ASTN2: variants seen among roughly 807,000 people sequenced by gnomAD.
ASTN2 encodes astrotactin 2.
In ASTN2, 54 loss-of-function variants were observed where a neutral mutation model predicts 139.8. The ratio of observed to expected loss-of-function variants is 0.39; its 90% CI spans 0.31 to 0.48. The LOEUF is 0.48. Ranked by LOEUF, ASTN2 falls within the 20% of genes least tolerant of loss-of-function variation. The probability of loss-of-function intolerance (pLI) is 0.95; values close to 1 mark genes in which losing one functional copy is unlikely to be tolerated. For missense variants in ASTN2, 1,565 were observed against 1,725.1 expected (o/e 0.91, Z 1.64); for synonymous variants, 756 against 719.5 (o/e 1.05, Z -0.81).
intron 3 of ASTN2, among the ~76,000 whole-genome samples, chr9:117,184,342 T>A (rs1831146479): frequency 6.6e-6 from 1 of 152,200 alleles, no homozygotes; most frequent in Non-Finnish European, 1.5e-5. Context: ...GGGGCGAGGC[T>A]GCTTCCTGGG....
At chr9:116,666,259 A>G (rs1271139769) in intron 16 of ASTN2, among the ~76,000 whole-genome samples, 1 of 152,208 alleles carries the variant, frequency 6.6e-6, no homozygotes, top group African/African-American at 2.4e-5. Context: ...TAAGATGTAC[A>G]TGGCACTGCC....
At chr9:117,143,384 C>T (rs143082642) in intron 3 of ASTN2, among the ~76,000 whole-genome samples, 7 of 152,236 alleles carry the variant, frequency 4.6e-5, no homozygotes, top group South Asian at 2.1e-4. Flanking sequence ...GTTTTGATTC[C>T]GTAAACCCAG....
intron 13 of ASTN2, among the ~76,000 whole-genome samples, chr9:116,742,225 T>C (rs1361444851): frequency 1.3e-5 from 2 of 152,252 alleles, no homozygotes; most frequent in Admixed American, 1.3e-4. Flanking sequence ...AAACCCAGCC[T>C]GTGCTGAGGG....
chr9:117,016,638 ATATAT>A (rs1837701016), intron 6 of ASTN2, among the ~76,000 whole-genome samples: 3 of 33,260 alleles, frequency 9.0e-5, no homozygotes, highest in Non-Finnish European at 1.9e-4. Flanking sequence ...ATATATATAT[ATATAT>A]ATATATATAT....
At chr9:117,121,014 A>G (rs753434806) in intron 4 of ASTN2, among the ~76,000 whole-genome samples, 9 of 152,250 alleles carry the variant, frequency 5.9e-5, no homozygotes, top group Non-Finnish European at 1.2e-4. Flanking sequence ...AGCCTGGGGT[A>G]CACAGTATGT....
intron 2 of ASTN2, among the ~76,000 whole-genome samples, chr9:117,273,426 T>C (rs1248986573): frequency 6.6e-6 from 1 of 152,196 alleles, no homozygotes; most frequent in Non-Finnish European, 1.5e-5. Flanking sequence ...CTCAGTTTTC[T>C]CACAGGTAAA....
chr9:116,820,828 G>T, intron 11 of ASTN2, 45 bp from the exon 12 acceptor site: 2 of 1,569,528 alleles, frequency 1.3e-6, no homozygotes, highest in Non-Finnish European at 1.7e-6. Flanking sequence ...TTGGGAGGTT[G>T]TAGGCCCCAT....
intron 17 of ASTN2, among the ~76,000 whole-genome samples, chr9:116,636,482 C>T (rs1369707128): frequency 6.6e-6 from 1 of 152,108 alleles, no homozygotes; most frequent in African/African-American, 2.4e-5. Flanking sequence ...CTAGACTAGC[C>T]TGGCCAACAT....
chr9:116,596,855 T>C (rs1854601075), intron 19 of ASTN2, among the ~76,000 whole-genome samples: 1 of 152,056 alleles, frequency 6.6e-6, no homozygotes, highest in Non-Finnish European at 1.5e-5. Context: ...AGTTAACAAT[T>C]CCAGTTAAGG....
chr9:116,726,067 T>C (rs1367502130), intron 15 of ASTN2, 117 bp from the exon 16 acceptor site: 2 of 917,514 alleles, frequency 2.2e-6, no homozygotes, highest in Admixed American at 2.8e-5. Flanking sequence ...CTCAGCACAG[T>C]GGCAGCTTGG....
chr9:116,844,933 T>C (rs35294588), intron 11 of ASTN2, among the ~76,000 whole-genome samples: 35,116 of 152,192 alleles, frequency 0.23, 4,695 homozygotes, highest in Admixed American at 0.3. Context: ...TTCCTTATAC[T>C]GCTTTGCTGA....
At chr9:116,779,777 C>T (rs918487111) in intron 13 of ASTN2, among the ~76,000 whole-genome samples, 3 of 152,166 alleles carry the variant, frequency 2.0e-5, no homozygotes, top group African/African-American at 4.8e-5. Flanking sequence ...CAGGTCAAGG[C>T]TCCTTCCATG....
intron 10 of ASTN2, among the ~76,000 whole-genome samples, chr9:116,876,449 T>G (rs1833300998): frequency 6.6e-6 from 1 of 152,230 alleles, no homozygotes; most frequent in Non-Finnish European, 1.5e-5. Context: ...TAAACTTGCT[T>G]GATAAAGCAG....
intron 13 of ASTN2, among the ~76,000 whole-genome samples, chr9:116,747,098 A>G (rs73519424): frequency 0.013 from 2,003 of 152,230 alleles, 42 homozygotes; most frequent in African/African-American, 0.045. Flanking sequence ...CAGAATAACA[A>G]GTATCATTTT....
intron 19 of ASTN2, among the ~76,000 whole-genome samples, chr9:116,596,732 G>A (rs1854596088): frequency 6.6e-6 from 1 of 152,154 alleles, no homozygotes; most frequent in African/African-American, 2.4e-5. Flanking sequence ...TGAGGGATGT[G>A]ATAGAAAATG....
At chr9:117,168,882 C>T (rs933083) in intron 3 of ASTN2, among the ~76,000 whole-genome samples, 5,679 of 152,104 alleles carry the variant, frequency 0.037, 173 homozygotes, top group South Asian at 0.096. Flanking sequence ...TAAATTGAAC[C>T]TAACTTGTAG....
At chr9:116,852,876 A>AACACAC (rs765936492) in intron 11 of ASTN2, among the ~76,000 whole-genome samples, 2 of 59,222 alleles carry the variant, frequency 3.4e-5, no homozygotes, top group Non-Finnish European at 5.8e-5. Context: ...CCAAGGGGAA[A>AACACAC]ATACACACAC....
rs1389070186 is a variant in ASTN2 at position 116,440,186 on chromosome 9, C to G, written c.3782+423G>C. Among the ~76,000 whole-genome samples the G allele has an allele frequency of 2.0e-5, 3 of 152,184 alleles. No individual in the cohort carries two copies. In the East Asian group the frequency reaches 5.8e-4, roughly 29 times the overall value. On this transcript the variant is annotated intron_variant, in intron 22 of 22. Coordinates refer to ENST00000313400, the MANE Select transcript of ASTN2 (RefSeq NM_001365068.1). ...GTCATGTTCACTAATGGACTTTAGT[C>G]AAAATCATAGCTATTTACTGTAAAA... is the stretch of plus-strand genomic sequence containing the variant.
At chr9:116,850,114 C>A (rs1832554744) in intron 11 of ASTN2, among the ~76,000 whole-genome samples, 1 of 152,156 alleles carries the variant, frequency 6.6e-6, no homozygotes, top group Non-Finnish European at 1.5e-5. Flanking sequence ...TGGAAGGAAA[C>A]TCACAAGTGA....
Sources: allele counts gnomAD v4.1 joint callset (sites outside exome capture counted in the v4.1 genomes callset), GRCh38; gene constraint gnomAD v4.1.1; transcripts MANE v1.5; gene names NCBI Gene and HGNC (gene_info 2026-07-23, HGNC 2026-07-21).